Variants in GRIA4 observed in about 807,000 individuals in gnomAD.
GRIA4 encodes glutamate ionotropic receptor AMPA type subunit 4.
In GRIA4, 34 loss-of-function variants were observed where a neutral mutation model predicts 104.0. The ratio of observed to expected loss-of-function variants is 0.33; its 90% confidence interval spans 0.25 to 0.44. GRIA4 has a LOEUF of 0.44. GRIA4 is among the 20% of genes least tolerant of loss of function. The probability of loss-of-function intolerance (pLI) is 1.00; values close to 1 mark genes in which losing one functional copy is unlikely to be tolerated. For synonymous variants in GRIA4, 386 were observed against 381.9 expected, an observed-to-expected ratio of 1.01 and a Z score of -0.13; for missense variants, 750 against 1,096.5, an observed-to-expected ratio of 0.68 and a Z score of 4.46.
At chr11:105,748,042 T>C (rs1488362793) in intron 3 of GRIA4, among the ~76,000 whole-genome samples, 1 of 152,240 alleles carries the variant, frequency 6.6e-6, no homozygotes, top group Non-Finnish European at 1.5e-5. Flanking sequence ...TTGGTAGTTA[T>C]TATTGCATAA....
chr11:105,714,516 A>T, intron 3 of GRIA4, among the ~76,000 whole-genome samples: 1 of 152,274 alleles, frequency 6.6e-6, no homozygotes, highest in South Asian at 2.1e-4. Flanking sequence ...TTTGTTGCCT[A>T]AATATTATCA....
intron 5 of GRIA4, among the ~76,000 whole-genome samples, chr11:105,867,816 T>C (rs1325516038): frequency 1.3e-5 from 2 of 152,176 alleles, no homozygotes; most frequent in South Asian, 2.1e-4. Context: ...TAATTGGAGA[T>C]AACAGCTTTG....
At chr11:105,880,798 T>G (rs1946022540) in intron 5 of GRIA4, among the ~76,000 whole-genome samples, 1 of 152,220 alleles carries the variant, frequency 6.6e-6, no homozygotes, top group African/African-American at 2.4e-5. Context: ...AATAGAGGTA[T>G]GGTATCTTAT....
chr11:105,961,095 A>G (rs1948734736), intron 14 of GRIA4, among the ~76,000 whole-genome samples: 1 of 152,180 alleles, frequency 6.6e-6, no homozygotes, highest in Admixed American at 6.5e-5. Flanking sequence ...TTTTAATTCT[A>G]TCATCAGTGA....
At chr11:105,933,614 G>C in intron 13 of GRIA4, 108 bp from the exon 14 acceptor site, 1 of 740,906 alleles carries the variant, frequency 1.3e-6, no homozygotes, top group African/African-American at 1.8e-5. Context: ...ATTGGAGTTA[G>C]AGAGCAATGG....
chr11:105,695,440 G>T (rs1205997566), intron 3 of GRIA4, among the ~76,000 whole-genome samples: 1 of 145,708 alleles, frequency 6.9e-6, no homozygotes, highest in African/African-American at 2.5e-5. Flanking sequence ...GAGAGTGTAT[G>T]CGTGCGTGTG....
At chr11:105,620,692 CA>C (rs1424629471) in intron 3 of GRIA4, among the ~76,000 whole-genome samples, 5 of 151,754 alleles carry the variant, frequency 3.3e-5, no homozygotes, top group African/African-American at 1.2e-4. Flanking sequence ...TTTATATTGC[CA>C]AATTCATGTC....
chr11:105,847,467 T>C (rs1944642122), intron 4 of GRIA4, among the ~76,000 whole-genome samples: 1 of 152,206 alleles, frequency 6.6e-6, no homozygotes, highest in Non-Finnish European at 1.5e-5. Context: ...ACATATTCCA[T>C]AAAAAACCTC....
chr11:105,769,647 A>G (rs1437898468), intron 4 of GRIA4, among the ~76,000 whole-genome samples: 1 of 152,058 alleles, frequency 6.6e-6, no homozygotes, highest in African/African-American at 2.4e-5. Context: ...TAAAGTACCC[A>G]TAGTGACAGG....
intron 5 of GRIA4, among the ~76,000 whole-genome samples, chr11:105,864,451 T>C (rs1345591347): frequency 2.0e-5 from 3 of 152,108 alleles, no homozygotes; most frequent in Non-Finnish European, 4.4e-5. Context: ...TTTTAAAAGG[T>C]AAAAAGTTAA....
chr11:105,645,441 A>T (rs904750308), intron 3 of GRIA4, among the ~76,000 whole-genome samples: 1 of 152,330 alleles, frequency 6.6e-6, no homozygotes, highest in South Asian at 2.1e-4. Flanking sequence ...TAAAGCAACA[A>T]GTTCAAAGAT....
intron 3 of GRIA4, among the ~76,000 whole-genome samples, chr11:105,716,204 A>G (rs1954083613): frequency 6.6e-6 from 1 of 152,152 alleles, no homozygotes; most frequent in Non-Finnish European, 1.5e-5. Flanking sequence ...AATGAATTGA[A>G]GGATCCCAGA....
At chr11:105,912,027 T>C in intron 10 of GRIA4, 1 of 1,209,744 alleles carries the variant, frequency 8.3e-7, no homozygotes, top group Non-Finnish European at 1.1e-6. Context: ...GATGACCAAC[T>C]CTGGACTACC....
chr11:105,884,678 C>T (rs975495550), intron 5 of GRIA4, among the ~76,000 whole-genome samples: 1 of 152,176 alleles, frequency 6.6e-6, no homozygotes, highest in Non-Finnish European at 1.5e-5. Context: ...TGGAGCTCTG[C>T]AAGACCTTTT....
At chr11:105,622,971 T>A (rs1471389829) in intron 3 of GRIA4, among the ~76,000 whole-genome samples, 13 of 151,042 alleles carry the variant, frequency 8.6e-5, no homozygotes, top group Non-Finnish European at 1.8e-4. Flanking sequence ...TTGTTTCACT[T>A]AAAATAATGG....
chr11:105,825,561 C>A (rs1242541140), intron 4 of GRIA4, among the ~76,000 whole-genome samples: 1 of 152,076 alleles, frequency 6.6e-6, no homozygotes, highest in Non-Finnish European at 1.5e-5. Context: ...CACAAGGCTT[C>A]TATGCCTCAG....
chr11:105,822,060 T>A (rs1171106641), intron 4 of GRIA4, among the ~76,000 whole-genome samples: 1 of 152,130 alleles, frequency 6.6e-6, no homozygotes, highest in African/African-American at 2.4e-5. Flanking sequence ...AAAGCATAAG[T>A]GTAACTGAAA....
At chr11:105,807,262 C>CA (rs1266896634) in intron 4 of GRIA4, among the ~76,000 whole-genome samples, 1 of 151,712 alleles carries the variant, frequency 6.6e-6, no homozygotes, top group African/African-American at 2.4e-5. Context: ...TTAACTATCT[C>CA]AAAATTATAA....
intron 7 of GRIA4, among the ~76,000 whole-genome samples, chr11:105,898,972 T>C (rs187592749): frequency 6.0e-4 from 91 of 152,306 alleles, no homozygotes; most frequent in Middle Eastern, 6.8e-3. Context: ...ACTAAACAGA[T>C]AGATGACTTT....
Sources: allele counts gnomAD v4.1 joint callset (sites outside exome capture counted in the v4.1 genomes callset), GRCh38; gene constraint gnomAD v4.1.1; transcripts MANE v1.5; gene names NCBI Gene and HGNC (gene_info 2026-07-23, HGNC 2026-07-21).